Variants in PIK3R1 observed in about 807,000 individuals in gnomAD.
PIK3R1 encodes phosphoinositide-3-kinase regulatory subunit 1, also known as phosphatidylinositol 3-kinase regulatory subunit alpha.
In PIK3R1, 29 loss-of-function variants were observed where a neutral mutation model predicts 98.0. That is an observed-to-expected ratio of 0.30 (90% CI 0.22 to 0.40). The LOEUF is 0.40. Among genes scored for constraint, PIK3R1 ranks in the 10% least tolerant of loss-of-function variants. The probability of loss-of-function intolerance (pLI) is 1.00; values close to 1 mark genes in which losing one functional copy is unlikely to be tolerated. For missense variants in PIK3R1, 596 were observed against 872.7 expected, an observed-to-expected ratio of 0.68 and a Z score of 3.99; for synonymous variants, 282 against 311.8, an observed-to-expected ratio of 0.90 and a Z score of 1.01.
intron 2 of PIK3R1, among the ~76,000 whole-genome samples, chr5:68,257,575 C>A (rs1263857877): frequency 6.6e-6 from 1 of 152,244 alleles, no homozygotes; most frequent in Non-Finnish European, 1.5e-5. Flanking sequence ...TACTCCTATG[C>A]TGGAAAGTTA....
rs1747915350 is a variant in PIK3R1, at chr5:68,299,399, CTCAT to C, written c.*1805_*1808del. The C allele has an allele frequency of 8.6e-6, 2 of 233,352 alleles. No homozygotes were observed. Among genetic ancestry groups the C allele is most frequent in the Non-Finnish European group, 1.7e-5 (2 of 118,000 alleles). The allele number at this position is 233,352 out of a possible 1,614,324, so 14.5% of individuals were successfully genotyped here. ...TGCAGGAATCCAAGTGGCAGTCCTT[CTCAT>C]TCATTCTAATCATTGTATGTGCTTC... On this transcript the variant is annotated 3_prime_UTR_variant, in exon 16 of 16. Coordinates refer to ENST00000521381, the MANE Select transcript of PIK3R1 (RefSeq NM_181523.3).
intron 1 of PIK3R1, among the ~76,000 whole-genome samples, chr5:68,222,183 A>G (rs1053660320): frequency 6.6e-6 from 1 of 152,200 alleles, no homozygotes; most frequent in Non-Finnish European, 1.5e-5. Flanking sequence ...GGCATGATAG[A>G]GTGAATCTGA....
At chr5:68,276,402 G>A (rs1746572772) in intron 4 of PIK3R1, among the ~76,000 whole-genome samples, 1 of 152,166 alleles carries the variant, frequency 6.6e-6, no homozygotes, top group Admixed American at 6.5e-5. Flanking sequence ...CTCCCACTGG[G>A]AACCACTAAC....
At position 68,295,255 on chromosome 5, in the gene PIK3R1, T is replaced by C; in HGVS notation, c.1676T>C (p.Ile559Thr). ...LKKQAAEYRE[I>T]DKRMNSIKPD... ...AAGCAGGCAGCTGAGTATCGAGAAA[T>C]TGACAAACGTATGAACAGCATTAAA... The change falls in exon 13 of 16, where the codon ATT (isoleucine) becomes ACT (threonine). Residue 559 changes from isoleucine (I) to threonine (T), a missense_variant. This residue lies in a region of PIK3R1 where 207 missense variants were observed against 361.4 expected (regional missense o/e 0.57). Coordinates refer to ENST00000521381, the MANE Select transcript of PIK3R1 (RefSeq NM_181523.3). 2 of 1,614,096 alleles carry C rather than the reference T, an allele frequency of 1.2e-6. No homozygotes were observed. Among genetic ancestry groups the C allele is most frequent in the Non-Finnish European group, 1.7e-6 (2 of 1,179,994 alleles).
chr5:68,263,005 A>ATG (rs1463887714), intron 2 of PIK3R1, among the ~76,000 whole-genome samples: 7 of 71,920 alleles, frequency 9.7e-5, no homozygotes, highest in African/African-American at 4.1e-4. Context: ...ACATGTATAC[A>ATG]TATATACATG....
rs527912530 is a variant in PIK3R1 at position 68,299,204 on chromosome 5, G to C, written c.*1603G>C. The C allele has an allele frequency of 2.1e-5, 5 of 233,196 alleles. No individual in the cohort carries two copies. The highest frequency in any genetic ancestry group is 4.2e-5 in the Non-Finnish European group (5 of 117,960). The allele number at this position is 233,196 out of a possible 1,614,324, so 14.4% of individuals were successfully genotyped here. On this transcript the variant is annotated 3_prime_UTR_variant, in exon 16 of 16. Coordinates refer to ENST00000521381, the MANE Select transcript of PIK3R1 (RefSeq NM_181523.3). ...TCTGTCACATTAGACTATCCATCAT[G>C]ACCAGCAAATACTCATTTTAGGAAA...
intron 4 of PIK3R1, among the ~76,000 whole-genome samples, chr5:68,277,309 C>T (rs923106512): frequency 8.5e-5 from 13 of 152,282 alleles, no homozygotes; most frequent in East Asian, 7.7e-4. Flanking sequence ...TTACCTTCAA[C>T]GTAGATCCTT....
chr5:68,262,499 T>G (rs1745810372), intron 2 of PIK3R1, among the ~76,000 whole-genome samples: 1 of 137,882 alleles, frequency 7.3e-6, no homozygotes, highest in Non-Finnish European at 1.6e-5. Context: ...TGTATACATA[T>G]ATCTATATAT....
Position 68,280,710 on chromosome 5 carries a change from T to C in PIK3R1, c.817T>C (p.Phe273Leu), listed in dbSNP as rs766903534. ...CTCTGAAATTTTCAGCCCTATGCTTTTCAGATTCTCAGCAGCCAGGTAAGT... is the reference window on the plus strand; with the variant it reads ...CTCTGAAATTTTCAGCCCTATGCTTCTCAGATTCTCAGCAGCCAGGTAAGT... ...VLSEIFSPML[F>L]RFSAASSDNT... Residue 273 changes from phenylalanine (F) to leucine (L), a missense_variant, in exon 6 of 16, where the codon TTC (phenylalanine) becomes CTC (leucine). Coordinates refer to ENST00000521381, the MANE Select transcript of PIK3R1 (RefSeq NM_181523.3). 1 of 1,614,074 alleles carries C rather than the reference T, an allele frequency of 6.2e-7. No homozygotes were observed. Among genetic ancestry groups the C allele is most frequent in the South Asian group, 1.1e-5 (1 of 91,082 alleles).
In PIK3R1 at chr5:68,299,027, CAATT is replaced by C. The variant is rs1398211543; in HGVS notation, c.*1430_*1433del. On this transcript the variant is annotated 3_prime_UTR_variant, in exon 16 of 16. Transcript: ENST00000521381. ...CTCACTTTGATTTGCTAGTTGTTAT[CAATT>C]AATGACAATTACAAACCTACTGTAT... 8.6e-6 allele frequency: 2 copies of C among 233,370 alleles called. No homozygotes were observed. Among genetic ancestry groups the C allele is most frequent in the Admixed American group, 5.6e-5 (1 of 17,772 alleles). 14.5% of individuals were successfully genotyped at this position (233,370 alleles called of 1,614,324 possible).
intron 2 of PIK3R1, among the ~76,000 whole-genome samples, chr5:68,233,825 A>G (rs537710491): frequency 6.6e-6 from 1 of 152,344 alleles, no homozygotes; most frequent in Non-Finnish European, 1.5e-5. Flanking sequence ...CTTTCTCCCA[A>G]TGGCTTTATA....
In PIK3R1 at chr5:68,301,342, C is replaced by CTATA. The variant is rs531318827; in HGVS notation, c.*3763_*3766dup. ...ATAGCATTAGCTGCCCAGGATGCTG[C>CTATA]TATATATATATATATATATATATAT... On this transcript the variant is annotated 3_prime_UTR_variant, in exon 16 of 16. Coordinates refer to ENST00000521381, the MANE Select transcript of PIK3R1 (RefSeq NM_181523.3). 2,866 of 52,882 alleles carry CTATA rather than the reference C, an allele frequency of 0.054. 144 individuals carry two copies. The highest frequency in any genetic ancestry group is 0.08 in the Non-Finnish European group (2,117 of 26,414). 3.3% of individuals were successfully genotyped at this position (52,882 alleles called of 1,614,324 possible). A position where few individuals can be genotyped will look rare whatever the true frequency, so the allele number is the denominator to read the frequency against.
chr5:68,283,534 G>T (rs998903904), intron 7 of PIK3R1, among the ~76,000 whole-genome samples: 3 of 152,180 alleles, frequency 2.0e-5, no homozygotes, highest in African/African-American at 7.2e-5. Context: ...AATAGGCAAA[G>T]GAGAAATAGC....
At chr5:68,217,433 G>T (rs1445356088) in intron 1 of PIK3R1, 1 of 152,166 alleles carries the variant, frequency 6.6e-6, no homozygotes, top group Non-Finnish European at 1.5e-5. Context: ...TGCACAGAAG[G>T]CCACAAGTAT....
intron 15 of PIK3R1, among the ~76,000 whole-genome samples, 192 bp from the exon 16 acceptor site, chr5:68,297,220 T>C (rs1400003324): frequency 6.6e-6 from 1 of 152,224 alleles, no homozygotes; most frequent in East Asian, 1.9e-4. Context: ...TAAACCATTT[T>C]AAAGATGAAA....
Position 68,280,909 on chromosome 5 carries a change from A to G in PIK3R1, c.837-18A>G. On this transcript the variant is annotated intron_variant, in intron 6 of 15. Coordinates refer to ENST00000521381, the MANE Select transcript of PIK3R1 (RefSeq NM_181523.3). ...TGCTTTTAGGGAAAAGGTTTCTAAT[A>G]AACTCTCTTTCTTACAGCTCTGATA... is the stretch of plus-strand genomic sequence containing the variant. 6.6e-7 allele frequency: 1 copy of G among 1,522,366 alleles called. No homozygotes were observed. The allele number at this position is 1,522,366 out of a possible 1,614,324, so 94.3% of individuals were successfully genotyped here. A position where few individuals can be genotyped will look rare whatever the true frequency, so the allele number is the denominator to read the frequency against.
At chr5:68,281,072 C>A in intron 7 of PIK3R1, 66 bp downstream of exon 7, 1 of 995,934 alleles carries the variant, frequency 1.0e-6, no homozygotes, top group South Asian at 1.5e-5. Flanking sequence ...AAAATGATGG[C>A]TATAAACCTC....
At chr5:68,235,800 A>T (rs966786633) in intron 2 of PIK3R1, among the ~76,000 whole-genome samples, 1 of 152,142 alleles carries the variant, frequency 6.6e-6, no homozygotes, top group Admixed American at 6.5e-5. Flanking sequence ...CTGTTTAACT[A>T]TTGAAAATGT....
intron 2 of PIK3R1, among the ~76,000 whole-genome samples, chr5:68,234,423 T>C (rs1234879275): frequency 6.6e-6 from 1 of 152,236 alleles, no homozygotes; most frequent in East Asian, 1.9e-4. Flanking sequence ...TGTACTTACA[T>C]GACCTCATTG....
Sources: gnomAD v4.1 joint callset for allele counts (sites outside exome capture counted in the v4.1 genomes callset) on GRCh38, gnomAD v4.1.1 for gene constraint, gnomAD v4.1.1 regional missense constraint, MANE v1.5 for transcripts, NCBI Gene and HGNC (gene_info 2026-07-23, HGNC 2026-07-21) for gene names.